EDARADD: variants seen among roughly 807,000 people sequenced by gnomAD.
EDARADD encodes ectodysplasin-A receptor-associated adapter protein.
A neutral mutation model predicts 25.6 loss-of-function variants in EDARADD; 20 were observed. The ratio of observed to expected loss-of-function variants is 0.78; its 90% CI spans 0.55 to 1.14. EDARADD has a LOEUF of 1.14. Ranked by LOEUF, EDARADD falls within the 50% of genes most tolerant of loss-of-function variation. EDARADD has a pLI of 0.00. For missense variants in EDARADD, 225 were observed against 270.1 expected, an observed-to-expected ratio of 0.83 and a Z score of 1.17; for synonymous variants, 86 against 94.4, an observed-to-expected ratio of 0.91 and a Z score of 0.52.
At chr1:236,365,620 T>C (rs986493032) in intron 3 of EDARADD, among the ~76,000 whole-genome samples, 1 of 152,178 alleles carries the variant, frequency 6.6e-6, no homozygotes, top group African/African-American at 2.4e-5. Context: ...TTACTTTACT[T>C]CATGAATCTT....
Position 236,395,606 on chromosome 1 carries a change from C to A in EDARADD, c.61+1101C>A. 1 of 1,559,096 alleles carries A rather than the reference C, an allele frequency of 6.4e-7. No individual in the cohort carries two copies. ...GAGGCCTGCCAGCCCCGCTCGGACGCTCGTTTGCCCCTAACCCGCCGCCAT... is the reference window on the plus strand; with the variant it reads ...GAGGCCTGCCAGCCCCGCTCGGACGATCGTTTGCCCCTAACCCGCCGCCAT... On this transcript the variant is annotated intron_variant, in intron 1 of 5. Coordinates refer to ENST00000334232, the MANE Select transcript of EDARADD (RefSeq NM_145861.4). This position sits in a 1 kb window ranked among gnomAD's most constrained non-coding sequence, Gnocchi z 6.9.
At chr1:236,363,802 A>G (rs1420188215) in intron 3 of EDARADD, among the ~76,000 whole-genome samples, 1 of 152,082 alleles carries the variant, frequency 6.6e-6, no homozygotes, top group Non-Finnish European at 1.5e-5. Flanking sequence ...GAAGCCCAGC[A>G]GATGCCATCA....
chr1:236,484,054 A>G lies in EDARADD; in HGVS notation c.*1405A>G, dbSNP rs907373279. The G allele has an allele frequency of 2.5e-6, 4 of 1,570,712 alleles. No individual in the cohort carries two copies. Among genetic ancestry groups the G allele is most frequent in the African/African-American group, 2.7e-5 (2 of 74,018 alleles). ...GTGGTGTCTACTGAAGATCCCTTTGACCAGGATGACTGGGGAGCTTGGCAG... is the reference window on the plus strand; with the variant it reads ...GTGGTGTCTACTGAAGATCCCTTTGGCCAGGATGACTGGGGAGCTTGGCAG... On this transcript the variant is annotated 3_prime_UTR_variant, in exon 6 of 6. Coordinates refer to ENST00000334232, the MANE Select transcript of EDARADD (RefSeq NM_145861.4). The surrounding 1 kb of genome is among the most constrained non-coding windows in gnomAD (Gnocchi z 4.1).
At chr1:236,438,090 C>G (rs1016506001) in intron 4 of EDARADD, among the ~76,000 whole-genome samples, 4 of 144,818 alleles carry the variant, frequency 2.8e-5, no homozygotes, top group South Asian at 2.3e-4. Context: ...GCTGGCTTCT[C>G]CCTGTGTTTC....
chr1:236,385,121 C>T (rs1390726691), intron 3 of EDARADD, among the ~76,000 whole-genome samples: 3 of 120,336 alleles, frequency 2.5e-5, no homozygotes, highest in Non-Finnish European at 3.2e-5. Flanking sequence ...TAAGAAAGCT[C>T]TTCCTGGCCG....
chr1:236,475,651 C>G (rs1031090610), intron 5 of EDARADD, among the ~76,000 whole-genome samples: 9 of 151,860 alleles, frequency 5.9e-5, no homozygotes, highest in African/African-American at 1.7e-4. Context: ...CTAATCTCAG[C>G]TACTCGGGAG....
chr1:236,446,554 G>A (rs371593930), intron 4 of EDARADD, among the ~76,000 whole-genome samples: 4 of 148,396 alleles, frequency 2.7e-5, no homozygotes, highest in East Asian at 2.1e-4. Context: ...TCCATCTCAA[G>A]AAAAAAAAAA....
intron 4 of EDARADD, among the ~76,000 whole-genome samples, chr1:236,447,201 TTTC>T (rs1658575328): frequency 3.5e-5 from 2 of 57,750 alleles, no homozygotes; most frequent in Non-Finnish European, 7.9e-5. Flanking sequence ...TCTTTCTTTC[TTTC>T]TTTCTTTCTT....
chr1:236,376,248 T>C (rs562497801), intron 3 of EDARADD, among the ~76,000 whole-genome samples: 41 of 152,318 alleles, frequency 2.7e-4, no homozygotes, highest in African/African-American at 9.9e-4. Flanking sequence ...TTTCACTTTT[T>C]TCGAAAGATC....
At chr1:236,439,212 C>T (rs566340496) in intron 4 of EDARADD, among the ~76,000 whole-genome samples, 16 of 152,128 alleles carry the variant, frequency 1.1e-4, no homozygotes, top group Non-Finnish European at 2.2e-4. Flanking sequence ...AATAATATTC[C>T]ACTGTCTGTA....
intron 4 of EDARADD, among the ~76,000 whole-genome samples, chr1:236,449,037 C>A (rs1658638440): frequency 6.6e-6 from 1 of 152,148 alleles, no homozygotes; most frequent in Admixed American, 6.6e-5. Context: ...GTTGGACTCT[C>A]CTGAGGGCTG....
At chr1:236,388,239 C>T (rs1158579371) in intron 3 of EDARADD, among the ~76,000 whole-genome samples, 6 of 152,144 alleles carry the variant, frequency 3.9e-5, no homozygotes, top group Non-Finnish European at 8.8e-5. Context: ...CTGTGTCTTA[C>T]ATTTTTGTTC....
At chr1:236,368,019 G>A (rs1486759856) in intron 3 of EDARADD, among the ~76,000 whole-genome samples, 1 of 152,098 alleles carries the variant, frequency 6.6e-6, no homozygotes, top group Non-Finnish European at 1.5e-5. Context: ...TGAAGCAGGA[G>A]GATCACTTGA....
At chr1:236,428,808 G>T (rs866536399) in intron 4 of EDARADD, among the ~76,000 whole-genome samples, 1 of 151,774 alleles carries the variant, frequency 6.6e-6, no homozygotes, top group East Asian at 1.9e-4. Context: ...AGGTTGTAGC[G>T]AGCGGAGATC....
At chr1:236,462,890 T>C (rs982130310) in intron 4 of EDARADD, among the ~76,000 whole-genome samples, 7 of 152,218 alleles carry the variant, frequency 4.6e-5, no homozygotes, top group Non-Finnish European at 1.0e-4. Flanking sequence ...TTAACAGTTC[T>C]TAAGGAGATG....
chr1:236,378,455 T>G lies in EDARADD; in HGVS notation c.-6+27616T>G, dbSNP rs12077219. 2.9e-3 allele frequency among the ~76,000 whole-genome samples: 449 copies of G among 152,266 alleles called. 1 individual carries two copies. Among genetic ancestry groups the G allele is most frequent in the African/African-American group, 0.01 (423 of 41,540 alleles). Reference sequence around the variant, plus strand: ...CCCCAGAGCTGGTTCCTGGGGAGGTTTCTACTCCCATCAGTTGTGGGTCTC... The same window carrying G: ...CCCCAGAGCTGGTTCCTGGGGAGGTGTCTACTCCCATCAGTTGTGGGTCTC... On this transcript the variant is annotated intron_variant, in intron 3 of 7. Coordinates refer to the EDARADD transcript ENST00000439430.
At chr1:236,399,818 A>G (rs1275675075) in intron 1 of EDARADD, among the ~76,000 whole-genome samples, 2 of 152,272 alleles carry the variant, frequency 1.3e-5, no homozygotes, top group African/African-American at 4.8e-5. Context: ...GCAAAAGAGC[A>G]CATTCTCCCT....
chr1:236,382,952 G>A (rs1667317720), intron 3 of EDARADD, among the ~76,000 whole-genome samples: 1 of 152,054 alleles, frequency 6.6e-6, no homozygotes, highest in African/African-American at 2.4e-5. Flanking sequence ...GATCTCTTAG[G>A]ATCTCTCTGG....
intron 4 of EDARADD, among the ~76,000 whole-genome samples, chr1:236,442,217 CG>C (rs1170974656): frequency 6.6e-6 from 1 of 152,056 alleles, no homozygotes; most frequent in African/African-American, 2.4e-5. Flanking sequence ...CCTCCACCTC[CG>C]GGGTTCAAGT....
Sources: allele counts gnomAD v4.1 joint callset (sites outside exome capture counted in the v4.1 genomes callset), GRCh38; gene constraint gnomAD v4.1.1; non-coding constraint Gnocchi (gnomAD v3.1); transcripts MANE v1.5; gene names NCBI Gene and HGNC (gene_info 2026-07-23, HGNC 2026-07-21).